ARHGAP26: variants seen among roughly 807,000 people sequenced by gnomAD.
ARHGAP26 encodes the protein rho GTPase-activating protein 26.
A neutral mutation model predicts 104.8 loss-of-function variants in ARHGAP26; 38 were observed. The ratio of observed to expected loss-of-function variants is 0.36; its 90% CI spans 0.28 to 0.48. ARHGAP26 has a LOEUF of 0.48. Ranked by LOEUF, ARHGAP26 falls within the 20% of genes least tolerant of loss-of-function variation. ARHGAP26 has a pLI of 0.99. For synonymous variants in ARHGAP26, 341 were observed against 340.0 expected (o/e 1.00, Z -0.03); for missense variants, 704 against 947.9 (o/e 0.74, Z 3.38).
chr5:143,147,632 T>G (rs1330640860), intron 20 of ARHGAP26: 1 of 443,666 alleles, frequency 2.3e-6, no homozygotes, highest in Non-Finnish European at 4.0e-6. Context: ...CTGAGATGGC[T>G]TTGGTGATAG....
chr5:143,128,648 G>T (rs369611049), intron 18 of ARHGAP26, among the ~76,000 whole-genome samples: 1 of 152,110 alleles, frequency 6.6e-6, no homozygotes, highest in African/African-American at 2.4e-5. Context: ...AGAGCACCAC[G>T]CAGTCCTCGG....
intron 11 of ARHGAP26, among the ~76,000 whole-genome samples, chr5:143,002,622 A>T (rs1459798713): frequency 2.6e-5 from 4 of 152,228 alleles, no homozygotes; most frequent in African/African-American, 9.6e-5. Context: ...GTCAGCTTGC[A>T]CGCCATCTAC....
At chr5:143,136,679 C>A (rs1023750416) in intron 19 of ARHGAP26, among the ~76,000 whole-genome samples, 1 of 152,166 alleles carries the variant, frequency 6.6e-6, no homozygotes, top group Admixed American at 6.5e-5. Flanking sequence ...GAAGGTTCTG[C>A]TGGGACCTGC....
chr5:142,911,614 T>G (rs533544242), intron 9 of ARHGAP26, among the ~76,000 whole-genome samples: 41 of 152,360 alleles, frequency 2.7e-4, no homozygotes, highest in African/African-American at 9.9e-4. Flanking sequence ...TCTTTATAGA[T>G]TTTTGCTGAT....
intron 17 of ARHGAP26, among the ~76,000 whole-genome samples, chr5:143,102,484 T>C (rs1353356029): frequency 6.6e-6 from 1 of 152,236 alleles, no homozygotes; most frequent in African/African-American, 2.4e-5. Context: ...TAACTCAGAA[T>C]GCTGATCCTC....
chr5:143,196,276 A>T (rs1427763318), intron 20 of ARHGAP26, among the ~76,000 whole-genome samples: 2 of 152,002 alleles, frequency 1.3e-5, no homozygotes, highest in Non-Finnish European at 2.9e-5. Flanking sequence ...CAAGGGCTCT[A>T]ATCTCATGTT....
intron 17 of ARHGAP26, among the ~76,000 whole-genome samples, chr5:143,107,818 T>A (rs1156342566): frequency 6.6e-6 from 1 of 152,244 alleles, no homozygotes; most frequent in East Asian, 1.9e-4. Flanking sequence ...GTCAACCCTG[T>A]ATTTTAAAAT....
At chr5:142,817,604 G>T (rs1765389484) in intron 1 of ARHGAP26, among the ~76,000 whole-genome samples, 1 of 152,128 alleles carries the variant, frequency 6.6e-6, no homozygotes, top group African/African-American at 2.4e-5. Context: ...TGTTACTCAC[G>T]TTCCCTGACC....
rs1447972907 is a variant in ARHGAP26, at chr5:142,890,148, AAAAATATATATATATATATAT to A, written c.487-4088_487-4068del. Among the ~76,000 whole-genome samples, 252 of 83,272 alleles carry A rather than the reference AAAAATATATATATATATATAT, an allele frequency of 3.0e-3. 11 individuals carry two copies. The highest frequency in any genetic ancestry group is 0.013 in the African/African-American group (244 of 18,128). The allele number at this position is 83,272 out of a possible 152,430, so 54.6% of individuals were successfully genotyped here. On this transcript the variant is annotated intron_variant, in intron 5 of 22. Coordinates refer to ENST00000645722, the MANE Select transcript of ARHGAP26 (RefSeq NM_001135608.3). ...CGAAACTCCGTCTTAAAAAAAAAAA[AAAAATATATATATATATATAT>A]ATATATATATATATATATATATATA...
intron 8 of ARHGAP26, among the ~76,000 whole-genome samples, chr5:142,907,042 C>T (rs926264662): frequency 2.0e-5 from 3 of 152,188 alleles, no homozygotes; most frequent in Admixed American, 6.5e-5. Context: ...CAGAATACGA[C>T]TGCATGGCAC....
intron 10 of ARHGAP26, among the ~76,000 whole-genome samples, chr5:142,924,966 A>G (rs565395844): frequency 1.3e-5 from 2 of 152,370 alleles, no homozygotes; most frequent in South Asian, 2.1e-4. Context: ...ATAACATGTA[A>G]TGATGACCTA....
At chr5:142,819,259 C>T (rs55651637) in intron 1 of ARHGAP26, among the ~76,000 whole-genome samples, 3 of 152,182 alleles carry the variant, frequency 2.0e-5, no homozygotes, top group Non-Finnish European at 4.4e-5. Context: ...ACAAATTCCC[C>T]TGAAGAAAAG....
chr5:143,012,611 A>G (rs1332468858), intron 11 of ARHGAP26, among the ~76,000 whole-genome samples: 14 of 116,748 alleles, frequency 1.2e-4, no homozygotes, highest in African/African-American at 4.2e-4. Flanking sequence ...TTCTATACCT[A>G]CAGAACCTTA....
chr5:142,815,378 A>G (rs964584050), intron 1 of ARHGAP26, among the ~76,000 whole-genome samples: 3 of 152,144 alleles, frequency 2.0e-5, no homozygotes, highest in African/African-American at 4.8e-5. Context: ...TTCTATTTCT[A>G]TTTTAGCTAT....
intron 12 of ARHGAP26, among the ~76,000 whole-genome samples, chr5:143,031,295 C>T (rs1180031301): frequency 6.6e-6 from 1 of 152,176 alleles, no homozygotes; most frequent in Non-Finnish European, 1.5e-5. Flanking sequence ...GTGATATGCT[C>T]TGATTTTGTC....
chr5:142,994,505 G>A (rs770092611), intron 11 of ARHGAP26, among the ~76,000 whole-genome samples: 9 of 152,134 alleles, frequency 5.9e-5, no homozygotes, highest in Admixed American at 1.3e-4. Flanking sequence ...CCACATGAAG[G>A]GTATGCAGTT....
intron 16 of ARHGAP26, among the ~76,000 whole-genome samples, chr5:143,057,039 C>A (rs1785930170): frequency 6.6e-6 from 1 of 152,166 alleles, no homozygotes; most frequent in Non-Finnish European, 1.5e-5. Context: ...GCCAGAGTAA[C>A]AAAGCCACTT....
At chr5:143,152,756 A>G (rs1277818883) in intron 20 of ARHGAP26, among the ~76,000 whole-genome samples, 1 of 152,216 alleles carries the variant, frequency 6.6e-6, no homozygotes, top group Non-Finnish European at 1.5e-5. Flanking sequence ...CCCAGTCACC[A>G]TGTAAAGAAG....
rs116406456 is a variant in ARHGAP26 at position 142,780,207 on chromosome 5, G to T, written c.154+9292G>T. On this transcript the variant is annotated intron_variant, in intron 1 of 22. Coordinates refer to ENST00000645722, the MANE Select transcript of ARHGAP26 (RefSeq NM_001135608.3). ...AGCTCACTCATTGTTAGATTGCATT[G>T]TATTCTATTGTATGAATTAAATATA... 8.1e-3 allele frequency among the ~76,000 whole-genome samples: 1,228 copies of T among 152,250 alleles called. 17 individuals are homozygous for T. The highest frequency in any genetic ancestry group is 0.029 in the African/African-American group (1,189 of 41,526).
Sources: gnomAD v4.1 joint callset for allele counts (sites outside exome capture counted in the v4.1 genomes callset) on GRCh38, gnomAD v4.1.1 for gene constraint, MANE v1.5 for transcripts, NCBI Gene and HGNC (gene_info 2026-07-23, HGNC 2026-07-21) for gene names.